Variants in EXTL1 observed in about 807,000 individuals in gnomAD.
EXTL1 encodes exostosin-like 1.
Under a neutral mutation model 64.6 loss-of-function variants are expected in EXTL1, and 43 were observed. The ratio of observed to expected loss-of-function variants is 0.67; its 90% CI spans 0.52 to 0.86. The LOEUF is 0.86. EXTL1 is among the 40% of genes least tolerant of loss of function. EXTL1 has a pLI of 0.00. For missense variants in EXTL1, 766 were observed against 879.0 expected (o/e 0.87, Z 1.62); for synonymous variants, 352 against 360.5 (o/e 0.98, Z 0.27).
Position 26,035,236 on chromosome 1 carries a change from A to C in EXTL1, c.1920A>C (p.Ala640=). The C allele has an allele frequency of 1.2e-6, 2 of 1,613,544 alleles. No homozygotes were observed. Among genetic ancestry groups the C allele is most frequent in the Non-Finnish European group, 1.7e-6 (2 of 1,179,898 alleles). Residue 640 remains alanine, a synonymous_variant, in exon 11 of 11, where the codon GCA becomes GCC. Coordinates refer to ENST00000374280, the MANE Select transcript of EXTL1 (RefSeq NM_004455.3). This position sits in a 1 kb window ranked among gnomAD's most constrained non-coding sequence, Gnocchi z 5.3. ...PAPDCINQIA[A]AFGHMPLLSS... ...CCGACTGCATCAACCAGATAGCGGC[A>C]GCGTTCGGCCACATGCCCTTGCTGT...
Position 26,033,293 on chromosome 1 carries a change from G to A in EXTL1, c.1496G>A (p.Arg499His), listed in dbSNP as rs376982523. The A allele has an allele frequency of 3.0e-5, 49 of 1,613,760 alleles. 1 individual carries two copies. The highest frequency in any genetic ancestry group is 1.3e-5 in the African/African-American group (1 of 74,882). Residue 499 changes from arginine to histidine, a missense_variant, in exon 8 of 11, where the codon CGC becomes CAC. Arg to His is a conservative substitution (Grantham distance 29). This residue lies in a region of EXTL1 where 571 missense variants were observed against 647.6 expected (regional missense o/e 0.88). Transcript: ENST00000374280. This position sits in a 1 kb window ranked among gnomAD's most constrained non-coding sequence, Gnocchi z 5.1. Reference sequence around the variant, plus strand: ...GATGCCATCCTCAGCCTCGATGCCCGCAGCAGTCTTTCCACAAGTGAGGTG... The same window carrying A: ...GATGCCATCCTCAGCCTCGATGCCCACAGCAGTCTTTCCACAAGTGAGGTG... ...RTDAILSLDA[R>H]SSLSTSEVDF... is the part of the protein sequence containing the mutation.
intron 5 of EXTL1, 65 bp from the exon 6 acceptor site, chr1:26,031,395 C>A: frequency 7.3e-7 from 1 of 1,370,446 alleles, no homozygotes; most frequent in Non-Finnish European, 1.0e-6. Flanking sequence ...GGATTCCCTA[C>A]TCAGGTCATT....
At chr1:26,026,644 C>T (rs2124403781) in intron 1 of EXTL1, among the ~76,000 whole-genome samples, 1 of 152,230 alleles carries the variant, frequency 6.6e-6, no homozygotes, top group Admixed American at 6.5e-5. Flanking sequence ...ACACAGTTAT[C>T]AACTATATTC....
At chr1:26,030,999 C>T in intron 4 of EXTL1, 133 bp from the exon 5 acceptor site, 1 of 1,046,410 alleles carries the variant, frequency 9.6e-7, no homozygotes, top group Non-Finnish European at 1.4e-6. Flanking sequence ...CATGGAGTGC[C>T]CCCTACTCTA....
In EXTL1 at chr1:26,023,333, G is replaced by T; in HGVS notation, c.687G>T (p.Leu229=). The change falls in exon 1 of 11, where the codon CTG becomes CTT. Residue 229 remains leucine (L), a synonymous_variant. Coordinates refer to ENST00000374280, the MANE Select transcript of EXTL1 (RefSeq NM_004455.3). ...SPQPGVALLA[L]EEERGGWRTA... is the part of the protein sequence containing the mutation. ...AGCCCGGGGTAGCCCTGCTAGCCCT[G>T]GAAGAGGAGAGGGGTGGGTGGCGCA... is the stretch of plus-strand genomic sequence containing the variant. The T allele has an allele frequency of 6.6e-7, 1 of 1,525,426 alleles. No homozygotes were observed. Among genetic ancestry groups the T allele is most frequent in the Non-Finnish European group, 8.8e-7 (1 of 1,135,070 alleles). The allele number at this position is 1,525,426 out of a possible 1,614,324, so 94.5% of individuals were successfully genotyped here.
chr1:26,031,399 G>T, intron 5 of EXTL1, 61 bp from the exon 6 acceptor site: 1 of 1,372,454 alleles, frequency 7.3e-7, no homozygotes, highest in Non-Finnish European at 1.0e-6. Flanking sequence ...TCCCTACTCA[G>T]GTCATTCTTC....
Position 26,033,186 on chromosome 1 carries a change from G to A in EXTL1, c.1432-43G>A, listed in dbSNP as rs755487308. On this transcript the variant is annotated intron_variant, in intron 7 of 10. Coordinates refer to ENST00000374280, the MANE Select transcript of EXTL1 (RefSeq NM_004455.3). The surrounding 1 kb of genome is among the most constrained non-coding windows in gnomAD (Gnocchi z 5.1). Reference sequence around the variant, plus strand: ...TCCTACTTATTGGATGGGGGTGGGGGGAATGTTCCAATGGCTGAGTTCCCC... The same window carrying A: ...TCCTACTTATTGGATGGGGGTGGGGAGAATGTTCCAATGGCTGAGTTCCCC... The A allele has an allele frequency of 6.6e-6, 9 of 1,362,654 alleles. No individual in the cohort carries two copies. The highest frequency in any genetic ancestry group is 9.5e-6 in the Non-Finnish European group (9 of 951,498). 84.4% of individuals were successfully genotyped at this position (1,362,654 alleles called of 1,614,324 possible). A position where few individuals can be genotyped will look rare whatever the true frequency, so the allele number is the denominator to read the frequency against.
rs781518669 is a variant in EXTL1, at chr1:26,033,289, G to A, written c.1492G>A (p.Ala498Thr). The A allele has an allele frequency of 7.4e-6, 12 of 1,613,912 alleles. No individual in the cohort carries two copies. Among genetic ancestry groups the A allele is most frequent in the Non-Finnish European group, 1.0e-5 (12 of 1,179,970 alleles). Residue 498 changes from alanine (A) to threonine (T), a missense_variant, in exon 8 of 11, where the codon GCC becomes ACC. Around this residue, in one of 3 missense-constraint regions of EXTL1, gnomAD observed 571 missense variants for 647.6 expected, o/e 0.88. Transcript: ENST00000374280. The surrounding 1 kb of genome is among the most constrained non-coding windows in gnomAD (Gnocchi z 5.1). ...IRTDAILSLDARSSLSTSEVD... is the reference protein window; with the variant it reads ...IRTDAILSLDTRSSLSTSEVD... The stretch of plus-strand genomic sequence containing the variant: ...AACAGATGCCATCCTCAGCCTCGAT[G>A]CCCGCAGCAGTCTTTCCACAAGTGA...
chr1:26,030,364 GCTC>G, intron 3 of EXTL1, 109 bp from the exon 4 acceptor site: 1 of 500,210 alleles, frequency 2.0e-6, no homozygotes, highest in Non-Finnish European at 3.2e-6. Context: ...ATAGGATCTT[GCTC>G]TGTTGCTCAG....
Position 26,029,675 on chromosome 1 carries a change from G to T in EXTL1, c.949G>T (p.Ala317Ser). Residue 317 changes from alanine to serine, a missense_variant, in exon 3 of 11, where the codon GCC becomes TCC. Transcript: ENST00000374280. Reference protein sequence around the residue: ...FSEVIDWTKAAIVADERLPLQ... With the variant: ...FSEVIDWTKASIVADERLPLQ... ...CGAGGTCATCGACTGGACCAAGGCA[G>T]CCATCGTAGCTGATGAGAGGCTCCC... 1 of 1,612,282 alleles carries T rather than the reference G, an allele frequency of 6.2e-7. No homozygotes were observed. The highest frequency in any genetic ancestry group is 8.5e-7 in the Non-Finnish European group (1 of 1,179,516).
At position 26,033,862 on chromosome 1, in the gene EXTL1, G is replaced by C. The variant is rs188054805; in HGVS notation, c.1679+6G>C. 2 of 1,612,056 alleles carry C rather than the reference G, an allele frequency of 1.2e-6. No individual in the cohort carries two copies. The highest frequency in any genetic ancestry group is 2.7e-5 in the African/African-American group (2 of 74,980). ...ACAGCCGCCTTCTACCATAGGTACA[G>C]ACCCCTACCCTGCACAGGGATCAGA... is the stretch of plus-strand genomic sequence containing the variant. On this transcript the variant is annotated splice_donor_region_variant and intron_variant, in intron 9 of 10. Transcript: ENST00000374280. The surrounding 1 kb of genome is among the most constrained non-coding windows in gnomAD (Gnocchi z 5.1).
chr1:26,021,983 A>G lies in EXTL1; in HGVS notation c.-664A>G, dbSNP rs3008245. On this transcript the variant is annotated 5_prime_UTR_variant, in exon 1 of 11. Transcript: ENST00000374280. ...CCGAGCCCTCCTGGCCCTCCAAGGC[A>G]GGGGGACACCGGCTGCACCCAGGCT... 0.86 allele frequency: 131,651 copies of G among 152,550 alleles called. 56,913 individuals carry two copies. The highest frequency in any genetic ancestry group is 0.93 in the East Asian group (4,822 of 5,186). 9.4% of individuals were successfully genotyped at this position (152,550 alleles called of 1,614,324 possible). A position where few individuals can be genotyped will look rare whatever the true frequency, so the allele number is the denominator to read the frequency against.
chr1:26,033,957 GTTCAA>G lies in EXTL1; in HGVS notation c.1679+102_1679+106del. On this transcript the variant is annotated intron_variant, in intron 9 of 10. Coordinates refer to ENST00000374280, the MANE Select transcript of EXTL1 (RefSeq NM_004455.3). The surrounding 1 kb of genome is among the most constrained non-coding windows in gnomAD (Gnocchi z 5.1). ...AGTGGCCTAGACCCCAGGGATCCAG[GTTCAA>G]GGCCGAGATCTGCCACTTCCCAGCT... 1 of 1,064,020 alleles carries G rather than the reference GTTCAA, an allele frequency of 9.4e-7. No individual in the cohort carries two copies. 65.9% of individuals were successfully genotyped at this position (1,064,020 alleles called of 1,614,324 possible).
At chr1:26,032,339 C>T (rs2050295939) in intron 6 of EXTL1, 57 bp from the exon 7 acceptor site, 9 of 1,260,664 alleles carry the variant, frequency 7.1e-6, no homozygotes, top group African/African-American at 1.5e-5. Context: ...TCCTGCCCCT[C>T]GCAACCCGCC....
intron 4 of EXTL1, 99 bp downstream of exon 4, chr1:26,030,694 C>CG (rs2050274200): frequency 7.3e-7 from 1 of 1,361,638 alleles, no homozygotes; most frequent in Non-Finnish European, 9.9e-7. Flanking sequence ...GGAACCCCCC[C>CG]CCCTTCCTTG....
At chr1:26,029,034 C>T (rs971035444) in intron 1 of EXTL1, among the ~76,000 whole-genome samples, 159 bp from the exon 2 acceptor site, 2 of 152,102 alleles carry the variant, frequency 1.3e-5, no homozygotes, top group Non-Finnish European at 2.9e-5. Context: ...TGTGTTAGTG[C>T]GTCAGTGTGC....
Position 26,023,156 on chromosome 1 carries a change from C to A in EXTL1, c.510C>A (p.Pro170=). ...TCCGTCTCCACCCGGCTCCCTGCCC[C>A]AGGACCTTCCAGCTGGGACAGGCTA... ...LVLRLHPAPC[P]RTFQLGQAMV... The change falls in exon 1 of 11, where the codon CCC becomes CCA. Residue 170 remains proline, a synonymous_variant. Transcript: ENST00000374280. 6.2e-7 allele frequency: 1 copy of A among 1,613,986 alleles called. No homozygotes were observed. The highest frequency in any genetic ancestry group is 8.5e-7 in the Non-Finnish European group (1 of 1,180,038).
In EXTL1 at chr1:26,033,174, A is replaced by T; in HGVS notation, c.1432-55A>T. The stretch of plus-strand genomic sequence containing the variant: ...TGCCTGAATGGCTCCTACTTATTGG[A>T]TGGGGGTGGGGGGAATGTTCCAATG... On this transcript the variant is annotated intron_variant, in intron 7 of 10. Transcript: ENST00000374280. The surrounding 1 kb of genome is among the most constrained non-coding windows in gnomAD (Gnocchi z 5.1). The T allele has an allele frequency of 7.9e-7, 1 of 1,269,032 alleles. No homozygotes were observed. Among genetic ancestry groups the T allele is most frequent in the South Asian group, 1.2e-5 (1 of 83,960 alleles). 78.6% of individuals were successfully genotyped at this position (1,269,032 alleles called of 1,614,324 possible). A position where few individuals can be genotyped will look rare whatever the true frequency, so the allele number is the denominator to read the frequency against.
chr1:26,031,349 C>G, intron 5 of EXTL1, 85 bp downstream of exon 5: 1 of 1,531,282 alleles, frequency 6.5e-7, no homozygotes, highest in Non-Finnish European at 8.9e-7. Context: ...CCCACCAAGA[C>G]CCTTTCCAAG....
Sources: allele counts gnomAD v4.1 joint callset (sites outside exome capture counted in the v4.1 genomes callset), GRCh38; gene constraint gnomAD v4.1.1; regional missense constraint gnomAD v4.1.1; non-coding constraint Gnocchi (gnomAD v3.1); transcripts MANE v1.5; gene names NCBI Gene and HGNC (gene_info 2026-07-23, HGNC 2026-07-21).